ANKS1A: variants seen among roughly 807,000 people sequenced by gnomAD.
ANKS1A encodes ankyrin repeat and SAM domain-containing protein 1A.
ANKS1A carries 55 observed loss-of-function variants against 120.3 expected under a neutral mutation model. The ratio of observed to expected loss-of-function variants is 0.46; its 90% CI spans 0.37 to 0.57. The LOEUF (loss-of-function observed/expected upper bound fraction) is 0.57. ANKS1A is among the 20% of genes least tolerant of loss of function. ANKS1A has a pLI of 0.00. For synonymous variants in ANKS1A, 590 were observed against 604.7 expected (o/e 0.98, Z 0.36); for missense variants, 1,123 against 1,480.3 (o/e 0.76, Z 3.96).
At chr6:35,083,582 C>G (rs1338095888) in intron 20 of ANKS1A, 79 bp downstream of exon 20, 7 of 1,375,404 alleles carry the variant, frequency 5.1e-6, no homozygotes, top group Non-Finnish European at 6.2e-6. Context: ...GGCAAGCAAC[C>G]CGGCTGCCCT....
chr6:35,055,325 A>T (rs927928960), intron 12 of ANKS1A, among the ~76,000 whole-genome samples: 4 of 150,954 alleles, frequency 2.6e-5, no homozygotes, highest in East Asian at 1.9e-4. Context: ...AGTAGTAGAT[A>T]AAAAAAAATT....
At chr6:34,912,921 T>G (rs1334582591) in intron 1 of ANKS1A, among the ~76,000 whole-genome samples, 1 of 152,184 alleles carries the variant, frequency 6.6e-6, no homozygotes, top group African/African-American at 2.4e-5. Flanking sequence ...TTGCCTGTTT[T>G]GATTGTGGTT....
Position 34,971,227 on chromosome 6 carries a change from C to G in ANKS1A, c.435+1061C>G, listed in dbSNP as rs142789496. ...ATGAAGATCATTTCCATGATGTCCT[C>G]CGAGTAAGCATGCTTTGAAAAAGCA... On this transcript the variant is annotated intron_variant, in intron 3 of 23. Coordinates refer to ENST00000360359, the MANE Select transcript of ANKS1A (RefSeq NM_015245.3). 1.8e-3 allele frequency among the ~76,000 whole-genome samples: 270 copies of G among 152,192 alleles called. 1 individual carries two copies. The highest frequency in any genetic ancestry group is 6.8e-3 in the Middle Eastern group (2 of 294).
At position 34,970,108 on chromosome 6, in the gene ANKS1A, C is replaced by T; in HGVS notation, c.377C>T (p.Ala126Val). The T allele has an allele frequency of 6.2e-7, 1 of 1,614,056 alleles. No homozygotes were observed. The highest frequency in any genetic ancestry group is 8.5e-7 in the Non-Finnish European group (1 of 1,179,996). ...CATTTGGCAGCCTGGAAAGGAGATG[C>T]CCAGATAGTGCGGTTGCTCATCCAT... ...PLHLAAWKGD[A>V]QIVRLLIHQG... Residue 126 changes from alanine (A) to valine (V), a missense_variant, in exon 3 of 24, where the codon GCC becomes GTC. Physicochemically the swap from Ala to Val is moderately conservative, Grantham distance 64 (BLOSUM62 0). This residue lies in a region of ANKS1A where 146 missense variants were observed against 267.8 expected (regional missense o/e 0.55). Transcript: ENST00000360359.
intron 11 of ANKS1A, among the ~76,000 whole-genome samples, chr6:35,022,129 G>T (rs572423870): frequency 5.3e-5 from 8 of 152,308 alleles, no homozygotes; most frequent in African/African-American, 1.9e-4. Flanking sequence ...GGATGGGAGA[G>T]CCCACCCAGC....
intron 11 of ANKS1A, among the ~76,000 whole-genome samples, chr6:35,040,316 A>G (rs1460780285): frequency 6.6e-6 from 1 of 152,200 alleles, no homozygotes; most frequent in African/African-American, 2.4e-5. Flanking sequence ...ATTCATGTGG[A>G]TAATGTCTGA....
chr6:34,970,257 A>C, intron 3 of ANKS1A, 91 bp downstream of exon 3: 454 of 1,364,172 alleles, frequency 3.3e-4, no homozygotes, highest in Non-Finnish European at 4.2e-4. Flanking sequence ...TTCAAATCTC[A>C]GAGAACCAGC....
At chr6:35,077,777 T>G (rs1348195260) in intron 13 of ANKS1A, among the ~76,000 whole-genome samples, 1 of 152,178 alleles carries the variant, frequency 6.6e-6, no homozygotes, top group Non-Finnish European at 1.5e-5. Flanking sequence ...GTGCCTCAGT[T>G]TCCTCATCTG....
Position 35,083,447 on chromosome 6 carries a change from A to G in ANKS1A, c.2938A>G (p.Thr980Ala). ...TACGGAGCACATGAAGAAGATCCCC[A>G]CCATCATCCTGTCCATCACATACAA... ...KSTEHMKKIP[T>A]IILSITYKGV... Residue 980 changes from threonine to alanine, a missense_variant, in exon 20 of 24, where the codon ACC (threonine) becomes GCC (alanine). Transcript: ENST00000360359. 2 of 1,613,998 alleles carry G rather than the reference A, an allele frequency of 1.2e-6. No individual in the cohort carries two copies. The highest frequency in any genetic ancestry group is 1.7e-6 in the Non-Finnish European group (2 of 1,179,976).
rs1203621192 is a variant in ANKS1A at position 35,082,771 on chromosome 6, C to A, written c.2790C>A (p.His930Gln). Residue 930 changes from histidine (H) to glutamine (Q), a missense_variant, in exon 18 of 24, where the codon CAC becomes CAA. Coordinates refer to ENST00000360359, the MANE Select transcript of ANKS1A (RefSeq NM_015245.3). This position sits in a 1 kb window ranked among gnomAD's most constrained non-coding sequence, Gnocchi z 4.1. ...ACGCCCCAGTGCAGAGTTGGCAACA[C>A]CAGCCAGAGAAACTCATCTTCGAGT... ...APYAPVQSWQ[H>Q]QPEKLIFESC... 2 of 1,614,074 alleles carry A rather than the reference C, an allele frequency of 1.2e-6. No homozygotes were observed. The highest frequency in any genetic ancestry group is 2.7e-5 in the African/African-American group (2 of 75,066).
At chr6:35,072,386 A>G (rs1378889598) in intron 13 of ANKS1A, among the ~76,000 whole-genome samples, 1 of 152,260 alleles carries the variant, frequency 6.6e-6, no homozygotes, top group Non-Finnish European at 1.5e-5. Context: ...GAAAGCATTC[A>G]AATGGCTTAG....
In ANKS1A at chr6:34,981,791, C is replaced by T. The variant is rs771353885; in HGVS notation, c.537C>T (p.Asn179=). Residue 179 remains asparagine, a synonymous_variant, in exon 4 of 24, where the codon AAC becomes AAT. Coordinates refer to ENST00000360359, the MANE Select transcript of ANKS1A (RefSeq NM_015245.3). ...LEELTDPTMR[N]NKFETPLDLA... Reference sequence around the variant, plus strand: ...AGCTGACGGACCCCACCATGCGCAACAACAAATTCGAGACCCCTTTGGACC... The same window carrying T: ...AGCTGACGGACCCCACCATGCGCAATAACAAATTCGAGACCCCTTTGGACC... 1.9e-6 allele frequency: 3 copies of T among 1,614,190 alleles called. No individual in the cohort carries two copies. Among genetic ancestry groups the T allele is most frequent in the Non-Finnish European group, 2.5e-6 (3 of 1,180,032 alleles).
rs1778022603 is a variant in ANKS1A, at chr6:35,086,920, CTCTGACTCT to C, written c.3304-30_3304-22del. ...GCCTCCAGCCCTGGCACAGAGCTCCCTCTGACTCTTGACTGCTTCCTTGTTTGGCAGCTG... is the reference window on the plus strand; with the variant it reads ...GCCTCCAGCCCTGGCACAGAGCTCCCTGACTGCTTCCTTGTTTGGCAGCTG... On this transcript the variant is annotated intron_variant, in intron 22 of 23. Coordinates refer to ENST00000360359, the MANE Select transcript of ANKS1A (RefSeq NM_015245.3). This position sits in a 1 kb window ranked among gnomAD's most constrained non-coding sequence, Gnocchi z 5.1. 7 of 1,609,952 alleles carry C rather than the reference CTCTGACTCT, an allele frequency of 4.3e-6. No homozygotes were observed. The highest frequency in any genetic ancestry group is 6.0e-6 in the Non-Finnish European group (7 of 1,176,298).
rs1038149813 is a variant in ANKS1A, at chr6:35,067,964, A to G, written c.2184+7711A>G. Among the ~76,000 whole-genome samples the G allele has an allele frequency of 5.7e-5, 8 of 141,006 alleles. No individual in the cohort carries two copies. The South Asian group carries it at 1.1e-3, about 19-fold the overall frequency. The allele number at this position is 141,006 out of a possible 152,430, so 92.5% of individuals were successfully genotyped here. ...GAGTGCAGTGGCGAAATCTCGGCTC[A>G]CTGCAACCTCTGCTCCGCCCCCAGT... is the stretch of plus-strand genomic sequence containing the variant. On this transcript the variant is annotated intron_variant, in intron 13 of 23. Coordinates refer to ENST00000360359, the MANE Select transcript of ANKS1A (RefSeq NM_015245.3).
intron 1 of ANKS1A, among the ~76,000 whole-genome samples, chr6:34,950,535 A>G (rs1770039629): frequency 6.6e-6 from 1 of 152,028 alleles, no homozygotes; most frequent in Non-Finnish European, 1.5e-5. Context: ...GGCCAGGAAG[A>G]CGTTTTTCAA....
chr6:34,950,224 T>C (rs935274612), intron 1 of ANKS1A, among the ~76,000 whole-genome samples: 43 of 113,750 alleles, frequency 3.8e-4, no homozygotes, highest in East Asian at 1.0e-3. Flanking sequence ...TTTTCTCTCT[T>C]TTTTTTTTTT....
intron 12 of ANKS1A, among the ~76,000 whole-genome samples, chr6:35,054,733 T>C (rs1776124203): frequency 6.6e-6 from 1 of 152,246 alleles, no homozygotes; most frequent in Non-Finnish European, 1.5e-5. Flanking sequence ...GCCCTAGTAG[T>C]GAGGCCAGCT....
chr6:34,953,504 A>C (rs949363562), intron 1 of ANKS1A, among the ~76,000 whole-genome samples: 2 of 152,170 alleles, frequency 1.3e-5, no homozygotes, highest in Non-Finnish European at 2.9e-5. Context: ...TAAAAAATCA[A>C]CCAGGCTCCA....
At chr6:34,929,588 T>G (rs1768877609) in intron 1 of ANKS1A, among the ~76,000 whole-genome samples, 1 of 152,254 alleles carries the variant, frequency 6.6e-6, no homozygotes, top group South Asian at 2.1e-4. Flanking sequence ...TGCTTAGATT[T>G]TTTGGTTCTT....
Sources: gnomAD v4.1 joint callset for allele counts (sites outside exome capture counted in the v4.1 genomes callset) on GRCh38, gnomAD v4.1.1 for gene constraint, gnomAD v4.1.1 regional missense constraint, Gnocchi (gnomAD v3.1) non-coding constraint, MANE v1.5 for transcripts, NCBI Gene and HGNC (gene_info 2026-07-23, HGNC 2026-07-21) for gene names.